The following KIF24 variants were observed in gnomAD, a reference collection of about 807,000 sequenced individuals.
KIF24 encodes the protein kinesin family member 24.
In KIF24, 81 loss-of-function variants were observed where a neutral mutation model predicts 118.9. The ratio of observed to expected loss-of-function variants is 0.68; its 90% CI spans 0.57 to 0.82. The LOEUF is 0.82. Among genes scored for constraint, KIF24 ranks in the 40% least tolerant of loss-of-function variants. The pLI, the probability that KIF24 is intolerant of heterozygous loss-of-function variation, is 0.00. For synonymous variants in KIF24, 599 were observed against 610.0 expected (o/e 0.98, Z 0.27); for missense variants, 1,560 against 1,661.6 (o/e 0.94, Z 1.06).
chr9:34,279,893 A>G (rs781056640), intron 6 of KIF24, among the ~76,000 whole-genome samples: 10 of 152,196 alleles, frequency 6.6e-5, no homozygotes, highest in Non-Finnish European at 1.2e-4. Flanking sequence ...CTCCTTGTAC[A>G]ACACCATATG....
At chr9:34,280,098 A>C (rs970211529) in intron 6 of KIF24, among the ~76,000 whole-genome samples, 57 of 150,984 alleles carry the variant, frequency 3.8e-4, no homozygotes, top group South Asian at 6.3e-4. Context: ...TCCCGGCTAA[A>C]ACGGTGAAAC....
rs200860165 is a variant in KIF24, at chr9:34,306,418, T to C, written c.647A>G (p.Asn216Ser). 258 of 1,607,602 alleles carry C rather than the reference T, an allele frequency of 1.6e-4. 1 individual carries two copies. The African/African-American group carries it at 3.1e-3, about 19-fold the overall frequency. The change falls in exon 3 of 13, where the codon AAT becomes AGT. Residue 216 changes from asparagine to serine, a missense_variant. Transcript: ENST00000402558. ...CIRQNTSEKQ[N>S]PWTEMEKIRV... ...GATTTTCTCCATCTCAGTCCAAGGA[T>C]TCTGTTTCTCTGAAGTGTTCTGTCT...
At chr9:34,293,080 AT>A (rs1156740576) in intron 4 of KIF24, among the ~76,000 whole-genome samples, 1 of 152,222 alleles carries the variant, frequency 6.6e-6, no homozygotes, top group African/African-American at 2.4e-5. Flanking sequence ...CCTAAGAGAT[AT>A]TTCACATTTT....
intron 8 of KIF24, among the ~76,000 whole-genome samples, chr9:34,268,832 C>G (rs1487169469): frequency 6.6e-6 from 1 of 152,052 alleles, no homozygotes; most frequent in Non-Finnish European, 1.5e-5. Context: ...ATAATCCAAC[C>G]AGGGGGAGGG....
intron 4 of KIF24, among the ~76,000 whole-genome samples, chr9:34,296,176 G>A (rs1387894851): frequency 1.8e-4 from 25 of 138,796 alleles, no homozygotes; most frequent in African/African-American, 4.6e-4. Flanking sequence ...CCGAGGTGGC[G>A]CCACTGCACT....
chr9:34,286,827 T>A (rs1836069350), intron 5 of KIF24, 123 bp from the exon 6 acceptor site: 3 of 683,968 alleles, frequency 4.4e-6, no homozygotes, highest in Non-Finnish European at 7.8e-6. Context: ...GTGGGATGGA[T>A]GCTTATCCTC....
chr9:34,313,979 C>T (rs149278575), intron 1 of KIF24, among the ~76,000 whole-genome samples: 1 of 151,300 alleles, frequency 6.6e-6, no homozygotes, highest in East Asian at 1.9e-4. Context: ...AGTCTCAAAC[C>T]CCTGGGGCTC....
chr9:34,288,955 A>C (rs1836153997), intron 5 of KIF24, among the ~76,000 whole-genome samples: 1 of 151,692 alleles, frequency 6.6e-6, no homozygotes, highest in Non-Finnish European at 1.5e-5. Context: ...TCTGACTGGA[A>C]AGGGCTCCTA....
In KIF24 at chr9:34,255,528, G is replaced by A. The variant is rs1363127984; in HGVS notation, c.3872+207C>T. On this transcript the variant is annotated intron_variant, in intron 11 of 12. Transcript: ENST00000402558. ...GGCTGTGACTGCAACTGGCATACTT[G>A]GCACAAGATGGAGCCTATTGCCTGG... Among the ~76,000 whole-genome samples, 2 of 152,192 alleles carry A rather than the reference G, an allele frequency of 1.3e-5. 1 individual carries two copies. The highest frequency in any genetic ancestry group is 2.9e-5 in the Non-Finnish European group (2 of 68,032).
intron 1 of KIF24, among the ~76,000 whole-genome samples, chr9:34,322,851 G>A (rs956630380): frequency 2.0e-5 from 3 of 151,948 alleles, no homozygotes; most frequent in Non-Finnish European, 4.4e-5. Context: ...GTGAGACTCC[G>A]TCTCCAAAAA....
chr9:34,257,684 C>G lies in KIF24; in HGVS notation c.1923G>C (p.Trp641Cys). Residue 641 changes from tryptophan to cysteine, a missense_variant, in exon 11 of 13, where the codon TGG (tryptophan) becomes TGC (cysteine). Trp to Cys is a radical substitution (Grantham distance 215, BLOSUM62 -2). Coordinates refer to ENST00000402558, the MANE Select transcript of KIF24 (RefSeq NM_194313.4). ...CTTTCACAGGGCTAGCATGAATGAC[C>G]CACTCTTGTGAAGGACTCCCTCTGG... ...GGSRGSPSQE[W>C]VIHASPVKGT... 6.2e-7 allele frequency: 1 copy of G among 1,614,034 alleles called. No homozygotes were observed. Among genetic ancestry groups the G allele is most frequent in the South Asian group, 1.1e-5 (1 of 91,092 alleles).
At chr9:34,324,010 C>G (rs575034949) in intron 1 of KIF24, among the ~76,000 whole-genome samples, 33 of 151,540 alleles carry the variant, frequency 2.2e-4, no homozygotes, top group African/African-American at 7.5e-4. Context: ...TTTAACTAAT[C>G]AAATCTCACA....
chr9:34,254,430 G>A lies in KIF24; in HGVS notation c.4057C>T (p.Leu1353Phe). 1 of 1,613,838 alleles carries A rather than the reference G, an allele frequency of 6.2e-7. No homozygotes were observed. Among genetic ancestry groups the A allele is most frequent in the Non-Finnish European group, 8.5e-7 (1 of 1,179,854 alleles). ...QSLRSQLQLY[L>F]TCHGPTAAPE... The stretch of plus-strand genomic sequence containing the variant: ...GCTGCGGTGGGCCCGTGGCAGGTGA[G>A]ATAGAGCTGCAGCTGGCTCCTCAGA... The change falls in exon 13 of 13, where the codon CTC (leucine) becomes TTC (phenylalanine). Residue 1353 changes from leucine to phenylalanine, a missense_variant. By Grantham distance (22) the Leu-to-Phe change is conservative. Coordinates refer to ENST00000402558, the MANE Select transcript of KIF24 (RefSeq NM_194313.4).
chr9:34,311,768 A>ACG (rs577074468), intron 1 of KIF24, among the ~76,000 whole-genome samples: 32 of 146,966 alleles, frequency 2.2e-4, no homozygotes, highest in African/African-American at 5.5e-4. Flanking sequence ...GTATATATAC[A>ACG]TATATATACA....
intron 2 of KIF24, among the ~76,000 whole-genome samples, chr9:34,307,730 T>C (rs1014138597): frequency 6.6e-5 from 10 of 151,926 alleles, no homozygotes; most frequent in African/African-American, 9.6e-5. Flanking sequence ...CTGGCCAACA[T>C]GGTGAAACCC....
intron 2 of KIF24, among the ~76,000 whole-genome samples, chr9:34,307,860 GAAAAA>G (rs57149308): frequency 1.7e-4 from 19 of 113,992 alleles, no homozygotes; most frequent in African/African-American, 5.4e-4. Flanking sequence ...GACTCTGTCT[GAAAAA>G]AAAAAAAAAA....
intron 9 of KIF24, among the ~76,000 whole-genome samples, chr9:34,261,666 C>T (rs895476050): frequency 2.6e-5 from 4 of 152,222 alleles, no homozygotes; most frequent in African/African-American, 7.2e-5. Context: ...TCTTTTTAAA[C>T]GTTTTTCCCT....
chr9:34,317,568 T>C (rs1478540631), intron 1 of KIF24, among the ~76,000 whole-genome samples: 1 of 152,194 alleles, frequency 6.6e-6, no homozygotes, highest in East Asian at 1.9e-4. Context: ...ATTTAAATTG[T>C]GCACCATTCT....
intron 7 of KIF24, 104 bp from the exon 8 acceptor site, chr9:34,269,466 C>T: frequency 2.0e-6 from 1 of 507,448 alleles, no homozygotes. Flanking sequence ...GTCGCCCAGG[C>T]TGGAGTGCAG....
Sources: gnomAD v4.1 joint callset for allele counts (sites outside exome capture counted in the v4.1 genomes callset) on GRCh38, gnomAD v4.1.1 for gene constraint, MANE v1.5 for transcripts, NCBI Gene and HGNC (gene_info 2026-07-23, HGNC 2026-07-21) for gene names.